ZNF385D: variants seen among roughly 807,000 people sequenced by gnomAD.
ZNF385D encodes the protein zinc finger protein 659.
Under a neutral mutation model 35.8 loss-of-function variants are expected in ZNF385D, and 15 were observed. That is an observed-to-expected ratio of 0.42 (90% CI 0.28 to 0.64). ZNF385D has a LOEUF of 0.64. Among genes scored for constraint, ZNF385D ranks in the 30% least tolerant of loss-of-function variants. ZNF385D has a pLI of 0.23. For synonymous variants in ZNF385D, 212 were observed against 186.8 expected (o/e 1.13, Z -1.10); for missense variants, 474 against 494.6 (o/e 0.96, Z 0.39).
At chr3:21,901,350 C>A (rs754472680) in intron 3 of ZNF385D, among the ~76,000 whole-genome samples, 1 of 152,090 alleles carries the variant, frequency 6.6e-6, no homozygotes, top group Admixed American at 6.6e-5. Context: ...TTTACCAATG[C>A]TTTATCTCCA....
In ZNF385D at chr3:21,712,784, T is replaced by C. The variant is rs146511573; in HGVS notation, c.22+38111A>G. The stretch of plus-strand genomic sequence containing the variant: ...TATCTACTCTGAGCAAATACAGTTC[T>C]CTCTACTCTATCAAGAGTAATTTAT... On this transcript the variant is annotated intron_variant, in intron 1 of 7. Transcript: ENST00000281523. Among the ~76,000 whole-genome samples, 237 of 152,326 alleles carry C rather than the reference T, an allele frequency of 1.6e-3. 1 individual carries two copies. Among genetic ancestry groups the C allele is most frequent in the African/African-American group, 5.5e-3 (227 of 41,572 alleles).
chr3:22,335,527 T>G (rs1196730276), intron 2 of ZNF385D, among the ~76,000 whole-genome samples: 2 of 152,162 alleles, frequency 1.3e-5, no homozygotes, highest in African/African-American at 4.8e-5. Context: ...AACAAAAGCC[T>G]AAATCCTATA....
intron 3 of ZNF385D, among the ~76,000 whole-genome samples, chr3:22,008,983 C>A (rs1285133344): frequency 6.6e-6 from 1 of 151,122 alleles, no homozygotes; most frequent in East Asian, 1.9e-4. Flanking sequence ...AATTATAAAA[C>A]AAAACAACAG....
At chr3:21,653,412 T>C (rs777285952) in intron 2 of ZNF385D, among the ~76,000 whole-genome samples, 3 of 152,086 alleles carry the variant, frequency 2.0e-5, no homozygotes, top group Non-Finnish European at 4.4e-5. Context: ...CTGATACACA[T>C]ATGTAAGAAA....
chr3:21,766,290 T>C (rs1238840715), intron 3 of ZNF385D, among the ~76,000 whole-genome samples: 1 of 152,138 alleles, frequency 6.6e-6, no homozygotes, highest in Non-Finnish European at 1.5e-5. Context: ...TTTTAGTGTA[T>C]GTTTTGATGG....
At chr3:22,105,605 G>C (rs534467374) in intron 3 of ZNF385D, among the ~76,000 whole-genome samples, 86 of 135,352 alleles carry the variant, frequency 6.4e-4, no homozygotes, top group Non-Finnish European at 1.2e-3. Flanking sequence ...TCACAGTTCA[G>C]GTCTGAGGGA....
chr3:22,112,832 T>C (rs1263769843), intron 3 of ZNF385D, among the ~76,000 whole-genome samples: 1 of 148,910 alleles, frequency 6.7e-6, no homozygotes, highest in Non-Finnish European at 1.5e-5. Context: ...ACTGTCACCC[T>C]TCCTATGGGG....
intron 3 of ZNF385D, among the ~76,000 whole-genome samples, chr3:21,823,146 T>C (rs1278032347): frequency 6.6e-6 from 1 of 152,162 alleles, no homozygotes; most frequent in Non-Finnish European, 1.5e-5. Context: ...TGTACATATA[T>C]GTTTATTGAT....
At chr3:22,142,496 A>T (rs1704569621) in intron 3 of ZNF385D, among the ~76,000 whole-genome samples, 1 of 152,174 alleles carries the variant, frequency 6.6e-6, no homozygotes, top group Non-Finnish European at 1.5e-5. Context: ...CAGCTATAAA[A>T]TCAATTTGTT....
At chr3:22,245,948 C>T (rs900465377) in intron 2 of ZNF385D, among the ~76,000 whole-genome samples, 8 of 152,092 alleles carry the variant, frequency 5.3e-5, no homozygotes, top group Admixed American at 2.0e-4. Context: ...ATGGCTTAAT[C>T]TGAGCTCCTT....
At chr3:21,888,216 T>C (rs1273101734) in intron 3 of ZNF385D, among the ~76,000 whole-genome samples, 1 of 152,166 alleles carries the variant, frequency 6.6e-6, no homozygotes, top group Non-Finnish European at 1.5e-5. Context: ...CATTAGGTGG[T>C]TAAATAACTA....
chr3:21,682,338 G>C (rs1228404245), intron 1 of ZNF385D, among the ~76,000 whole-genome samples: 2 of 150,074 alleles, frequency 1.3e-5, no homozygotes, highest in African/African-American at 4.9e-5. Context: ...ATGATTAAAG[G>C]ACAGGCAAGT....
chr3:21,859,316 CT>C (rs1696910643), intron 3 of ZNF385D, among the ~76,000 whole-genome samples: 2 of 151,858 alleles, frequency 1.3e-5, no homozygotes, highest in African/African-American at 4.8e-5. Context: ...CAAAAGGAGC[CT>C]GTGGCGGCCC....
chr3:21,969,287 A>C (rs1272177582), intron 3 of ZNF385D, among the ~76,000 whole-genome samples: 3 of 152,054 alleles, frequency 2.0e-5, no homozygotes, highest in African/African-American at 7.2e-5. Context: ...CCACGTGTTA[A>C]GGGAAAGACC....
At chr3:22,016,998 A>T (rs1696929127) in intron 3 of ZNF385D, among the ~76,000 whole-genome samples, 1 of 151,938 alleles carries the variant, frequency 6.6e-6, no homozygotes, top group South Asian at 2.1e-4. Context: ...AAATGGCTTA[A>T]TTGGAATAAT....
At chr3:21,810,998 G>GTGTA (rs576386621) in intron 3 of ZNF385D, among the ~76,000 whole-genome samples, 2,966 of 144,428 alleles carry the variant, frequency 0.021, 47 homozygotes, top group Admixed American at 0.048. Context: ...GTGTGTGTGT[G>GTGTA]TATATATATA....
In ZNF385D at chr3:21,425,553, T is replaced by C. The variant is rs772739527; in HGVS notation, c.791A>G (p.Asn264Ser). ...ACAGATTTCACAGTGAAATGTTTTATTTTGGAGGCCTGTGTTTCCTTTATT... is the reference window on the plus strand; with the variant it reads ...ACAGATTTCACAGTGAAATGTTTTACTTTGGAGGCCTGTGTTTCCTTTATT... ...PVNKGNTGLQ[N>S]KTFHCEICDV... The change falls in exon 6 of 8, where the codon AAT becomes AGT. Residue 264 changes from asparagine to serine, a missense_variant. Coordinates refer to ENST00000281523, the MANE Select transcript of ZNF385D (RefSeq NM_024697.3). 6.2e-7 allele frequency: 1 copy of C among 1,612,018 alleles called. No individual in the cohort carries two copies. Among genetic ancestry groups the C allele is most frequent in the South Asian group, 1.1e-5 (1 of 90,560 alleles).
In ZNF385D at chr3:21,836,830, T is replaced by C. The variant is rs1250669294; in HGVS notation, c.326-171802A>G. 2.0e-5 allele frequency among the ~76,000 whole-genome samples: 3 copies of C among 152,234 alleles called. No homozygotes were observed. In the East Asian group the frequency reaches 5.8e-4, roughly 30 times the overall value. ...ACAATGTACAAAAATATAAGGTAGTTTGCAGACGCTGCCGTAGACCCACCC... is the reference window on the plus strand; with the variant it reads ...ACAATGTACAAAAATATAAGGTAGTCTGCAGACGCTGCCGTAGACCCACCC... On this transcript the variant is annotated intron_variant, in intron 3 of 5. Coordinates refer to the ZNF385D transcript ENST00000494108.
At chr3:22,100,618 G>A (rs571716177) in intron 3 of ZNF385D, among the ~76,000 whole-genome samples, 23 of 147,034 alleles carry the variant, frequency 1.6e-4, no homozygotes, top group African/African-American at 5.5e-4. Flanking sequence ...CTCACTCATA[G>A]GTGGGAATTG....
Sources: allele counts gnomAD v4.1 joint callset (sites outside exome capture counted in the v4.1 genomes callset), GRCh38; gene constraint gnomAD v4.1.1; transcripts MANE v1.5; gene names NCBI Gene and HGNC (gene_info 2026-07-23, HGNC 2026-07-21).